The following DCDC2C variants were observed in gnomAD, a reference collection of about 807,000 sequenced individuals.
DCDC2C encodes doublecortin domain-containing protein 2C.
In DCDC2C, 44 loss-of-function variants were observed where a neutral mutation model predicts 45.0. That is an observed-to-expected ratio of 0.98 (90% CI 0.77 to 1.26). The LOEUF is 1.26. Ranked by LOEUF, DCDC2C falls within the 50% of genes most tolerant of loss-of-function variation. The probability of loss-of-function intolerance (pLI) is 0.00; values close to 1 mark genes in which losing one functional copy is unlikely to be tolerated. For synonymous variants in DCDC2C, 187 were observed against 178.8 expected (o/e 1.05, Z -0.37); for missense variants, 447 against 468.9 (o/e 0.95, Z 0.43).
intron 9 of DCDC2C, among the ~76,000 whole-genome samples, chr2:3,783,744 C>G (rs1375006919): frequency 6.6e-6 from 1 of 152,210 alleles, no homozygotes; most frequent in Non-Finnish European, 1.5e-5. Flanking sequence ...GGAGTGTGGC[C>G]AAGCAGGAGC....
intron 3 of DCDC2C, among the ~76,000 whole-genome samples, chr2:3,741,134 T>C (rs2148107009): frequency 6.6e-6 from 1 of 152,324 alleles, no homozygotes. Context: ...GCACTTCCTC[T>C]CCCTCAACAC....
chr2:3,813,967 G>T (rs1469207077), intron 10 of DCDC2C, among the ~76,000 whole-genome samples: 1 of 152,058 alleles, frequency 6.6e-6, no homozygotes, highest in Non-Finnish European at 1.5e-5. Context: ...GATGCTAGCT[G>T]GTTATTTTGC....
intron 10 of DCDC2C, among the ~76,000 whole-genome samples, chr2:3,797,820 G>A (rs1243684744): frequency 4.6e-5 from 7 of 151,102 alleles, no homozygotes; most frequent in South Asian, 2.1e-4. Flanking sequence ...TAGGTGTGGT[G>A]TGGTGCTGAA....
intron 4 of DCDC2C, among the ~76,000 whole-genome samples, chr2:3,742,983 T>G (rs1301122376): frequency 6.6e-6 from 1 of 152,194 alleles, no homozygotes; most frequent in Non-Finnish European, 1.5e-5. Context: ...GCTCCGGGCC[T>G]GGTGGCTGTG....
rs1667948812 is a variant in DCDC2C, at chr2:3,703,904, G to C, written c.153G>C (p.Thr51=). 3.0e-6 allele frequency: 4 copies of C among 1,337,612 alleles called. No individual in the cohort carries two copies. Among genetic ancestry groups the C allele is most frequent in the East Asian group, 3.1e-5 (1 of 32,146 alleles). The allele number at this position is 1,337,612 out of a possible 1,614,324, so 82.9% of individuals were successfully genotyped here. ...ATFEALLEQL[T]EQVDVPFGVR... is the part of the protein sequence containing the mutation. ...TCGAGGCGCTGCTGGAGCAGCTCAC[G>C]GAGCAGGTGGACGTCCCGTTCGGCG... Residue 51 remains threonine, a synonymous_variant, in exon 1 of 11, where the codon ACG becomes ACC. Transcript: ENST00000399143. The surrounding 1 kb of genome is among the most constrained non-coding windows in gnomAD (Gnocchi z 4.4).
chr2:3,834,671 G>A (rs985999380), intron 10 of DCDC2C, among the ~76,000 whole-genome samples: 1 of 152,200 alleles, frequency 6.6e-6, no homozygotes, highest in Non-Finnish European at 1.5e-5. Context: ...TAGTATTTAA[G>A]ATTCCCATTC....
In DCDC2C at chr2:3,715,576, TTCCA is replaced by T. The variant is rs59747438; in HGVS notation, c.339+7002_339+7005del. ...TCTGCTCATCACAACATCCTAAACT[TTCCA>T]TCCATCCATCCATCCATCCATCCAT... On this transcript the variant is annotated intron_variant, in intron 2 of 10. Coordinates refer to ENST00000399143, the MANE Select transcript of DCDC2C (RefSeq NM_001287444.2). 7.9e-3 allele frequency among the ~76,000 whole-genome samples: 1,194 copies of T among 151,154 alleles called. 21 individuals carry two copies. The highest frequency in any genetic ancestry group is 0.027 in the African/African-American group (1,115 of 41,258).
intron 10 of DCDC2C, among the ~76,000 whole-genome samples, chr2:3,792,267 A>G (rs1333802576): frequency 1.3e-5 from 2 of 152,222 alleles, no homozygotes; most frequent in African/African-American, 2.4e-5. Context: ...AGTCCCTGCT[A>G]GTTCAGCCGG....
chr2:3,836,860 T>TGA (rs1672090888), intron 10 of DCDC2C, among the ~76,000 whole-genome samples: 1 of 37,668 alleles, frequency 2.7e-5, no homozygotes, highest in Non-Finnish European at 6.0e-5. Context: ...AGACTCCGTC[T>TGA]CAAAAAAAAA....
intron 10 of DCDC2C, among the ~76,000 whole-genome samples, chr2:3,823,750 G>A (rs1405116048): frequency 6.6e-6 from 1 of 152,002 alleles, no homozygotes; most frequent in African/African-American, 2.4e-5. Context: ...TGTTTCAAGT[G>A]AGAATTTTCA....
chr2:3,806,790 G>A (rs566222857), intron 10 of DCDC2C, among the ~76,000 whole-genome samples: 12 of 152,010 alleles, frequency 7.9e-5, no homozygotes, highest in Admixed American at 2.6e-4. Context: ...CTTGTGATCC[G>A]CCCACCTTGG....
chr2:3,770,072 A>T (rs1670122493), intron 8 of DCDC2C, among the ~76,000 whole-genome samples: 1 of 152,230 alleles, frequency 6.6e-6, no homozygotes, highest in Non-Finnish European at 1.5e-5. Context: ...AGTCTCCAGC[A>T]CTTGGGCAAA....
chr2:3,751,435 T>C (rs116712184), intron 4 of DCDC2C, among the ~76,000 whole-genome samples: 151 of 152,320 alleles, frequency 9.9e-4, no homozygotes, highest in Non-Finnish European at 1.7e-3. Context: ...AGCTCCGCCA[T>C]GCCTCTCCCA....
At chr2:3,738,838 A>T (rs1296302504) in intron 3 of DCDC2C, among the ~76,000 whole-genome samples, 1 of 152,172 alleles carries the variant, frequency 6.6e-6, no homozygotes, top group East Asian at 1.9e-4. Flanking sequence ...TTTACCAGTG[A>T]TGGGATTTGA....
At chr2:3,801,775 C>T (rs555938621) in intron 10 of DCDC2C, among the ~76,000 whole-genome samples, 1 of 152,234 alleles carries the variant, frequency 6.6e-6, no homozygotes, top group African/African-American at 2.4e-5. Context: ...CTGCAGCATG[C>T]ATGCTGACCC....
chr2:3,725,198 C>T (rs925671627), intron 2 of DCDC2C, among the ~76,000 whole-genome samples: 8 of 152,186 alleles, frequency 5.3e-5, no homozygotes, highest in East Asian at 1.9e-4. Context: ...TTAGTGCCGG[C>T]GGGGGCGATG....
In DCDC2C at chr2:3,847,793, C is replaced by G. The variant is rs567894848; in HGVS notation, c.*610C>G. Reference sequence around the variant, plus strand: ...GGGTGGTCTTCCCCCTTGCTGTTCTCGTGATAGTGAGTGAGTGCTCCCGAG... The same window carrying G: ...GGGTGGTCTTCCCCCTTGCTGTTCTGGTGATAGTGAGTGAGTGCTCCCGAG... On this transcript the variant is annotated 3_prime_UTR_variant, in exon 11 of 11. Coordinates refer to ENST00000399143, the MANE Select transcript of DCDC2C (RefSeq NM_001287444.2). Among the ~76,000 whole-genome samples, 4 of 152,046 alleles carry G rather than the reference C, an allele frequency of 2.6e-5. No individual in the cohort carries two copies.
At chr2:3,725,697 A>AGGGAGACGAGCAGAGAGGGAG (rs1668645566) in intron 2 of DCDC2C, among the ~76,000 whole-genome samples, 1 of 114,730 alleles carries the variant, frequency 8.7e-6, no homozygotes. Flanking sequence ...GGTGGATCCC[A>AGGGAGACGAGCAGAGAGGGAG]GAGGGAGATG....
At chr2:3,744,462 T>G (rs536666300) in intron 4 of DCDC2C, among the ~76,000 whole-genome samples, 1 of 152,076 alleles carries the variant, frequency 6.6e-6, no homozygotes, top group South Asian at 2.1e-4. Flanking sequence ...TAATGAGGTG[T>G]GAAGGACTGC....
Sources: allele counts gnomAD v4.1 joint callset (sites outside exome capture counted in the v4.1 genomes callset), GRCh38; gene constraint gnomAD v4.1.1; non-coding constraint Gnocchi (gnomAD v3.1); transcripts MANE v1.5; gene names NCBI Gene and HGNC (gene_info 2026-07-23, HGNC 2026-07-21).